The following EYS variants were observed in gnomAD, a reference collection of about 807,000 sequenced individuals.
EYS encodes protein eyes shut homolog.
EYS carries 250 observed loss-of-function variants against 282.1 expected under a neutral mutation model. The ratio of observed to expected loss-of-function variants is 0.89; its 90% CI spans 0.80 to 0.98. The LOEUF is 0.98. Among genes scored for constraint, EYS ranks in the 50% least tolerant of loss-of-function variants. EYS has a pLI of 0.00. For missense variants in EYS, 4,016 were observed against 3,709.0 expected, an observed-to-expected ratio of 1.08 and a Z score of -2.15; for synonymous variants, 1,355 against 1,282.9, an observed-to-expected ratio of 1.06 and a Z score of -1.20.
chr6:65,703,212 A>C (rs186498240), intron 1 of EYS, among the ~76,000 whole-genome samples: 4 of 152,096 alleles, frequency 2.6e-5, no homozygotes, highest in African/African-American at 7.2e-5. Context: ...CTCTCTCTAT[A>C]TATATACTGT....
intron 22 of EYS, among the ~76,000 whole-genome samples, chr6:64,734,826 T>C (rs908563364): frequency 1.4e-4 from 22 of 152,192 alleles, no homozygotes; most frequent in Middle Eastern, 3.2e-3. Flanking sequence ...ATGATTTTTC[T>C]TAATTTTAAT....
chr6:65,148,951 T>G (rs1764547519), intron 12 of EYS, among the ~76,000 whole-genome samples: 1 of 152,012 alleles, frequency 6.6e-6, no homozygotes, highest in Non-Finnish European at 1.5e-5. Flanking sequence ...GCTGCTGGGA[T>G]GCAAGGAACC....
chr6:65,307,681 T>C (rs999431710), intron 11 of EYS, among the ~76,000 whole-genome samples: 4 of 139,580 alleles, frequency 2.9e-5, no homozygotes, highest in African/African-American at 9.8e-5. Flanking sequence ...TGGAATATCT[T>C]AATGCATTGT....
intron 35 of EYS, among the ~76,000 whole-genome samples, chr6:63,887,554 G>T (rs1773295643): frequency 6.6e-6 from 1 of 152,132 alleles, no homozygotes; most frequent in South Asian, 2.1e-4. Context: ...AGCACAAGGG[G>T]TCGGGGAACT....
At chr6:65,148,388 G>A (rs896235830) in intron 12 of EYS, among the ~76,000 whole-genome samples, 69 of 152,226 alleles carry the variant, frequency 4.5e-4, no homozygotes, top group African/African-American at 1.7e-3. Flanking sequence ...CAATAGAACA[G>A]ACATTAAACC....
chr6:65,511,661 C>T (rs1766872405), intron 2 of EYS, among the ~76,000 whole-genome samples: 1 of 151,840 alleles, frequency 6.6e-6, no homozygotes. Context: ...CAAAAAGATC[C>T]AATAACTCAG....
At chr6:65,364,245 AT>A (rs1764824029) in intron 8 of EYS, among the ~76,000 whole-genome samples, 1 of 79,078 alleles carries the variant, frequency 1.3e-5, no homozygotes, top group African/African-American at 4.9e-5. Flanking sequence ...AATCAACTAA[AT>A]GTTTTTTTTT....
intron 40 of EYS, among the ~76,000 whole-genome samples, chr6:63,767,922 A>G (rs1423960317): frequency 6.6e-6 from 1 of 152,096 alleles, no homozygotes; most frequent in Non-Finnish European, 1.5e-5. Context: ...ATAAAGTCAT[A>G]CACCTAAAAG....
intron 2 of EYS, among the ~76,000 whole-genome samples, chr6:65,548,479 C>T (rs1319197688): frequency 6.6e-6 from 1 of 152,082 alleles, no homozygotes; most frequent in Non-Finnish European, 1.5e-5. Flanking sequence ...CACAGTAGTA[C>T]CTCTTGAAAA....
At chr6:65,630,544 A>G (rs1041320756) in intron 2 of EYS, among the ~76,000 whole-genome samples, 7 of 152,230 alleles carry the variant, frequency 4.6e-5, no homozygotes, top group Non-Finnish European at 1.5e-5. Flanking sequence ...CTCAACAGCA[A>G]TATTTTAGCA....
intron 30 of EYS, among the ~76,000 whole-genome samples, chr6:64,305,562 GA>G (rs1222045451): frequency 1.3e-5 from 2 of 152,088 alleles, no homozygotes; most frequent in African/African-American, 4.8e-5. Flanking sequence ...AGTAGAATGA[GA>G]AGCCCAGAAA....
rs9345661 is a variant in EYS at position 65,633,107 on chromosome 6, C to T, written c.-333+6671G>A. 3.4e-3 allele frequency among the ~76,000 whole-genome samples: 519 copies of T among 152,276 alleles called. 17 individuals carry two copies. The East Asian group carries it at 0.072, about 21-fold the overall frequency. ...TAAAGTATTTTTCTTGCTACCACAA[C>T]GTAATCATTGCATTGTTAGGGTTGT... On this transcript the variant is annotated intron_variant, in intron 2 of 42. Coordinates refer to ENST00000503581, the MANE Select transcript of EYS (RefSeq NM_001142800.2).
intron 42 of EYS, among the ~76,000 whole-genome samples, chr6:63,722,267 C>G (rs995486907): frequency 7.9e-5 from 12 of 152,044 alleles, no homozygotes; most frequent in African/African-American, 2.7e-4. Flanking sequence ...GGATTTCATT[C>G]GCCTGTTTTC....
Position 65,461,088 on chromosome 6 carries a change from GTGAT to G in EYS, c.862+29502_862+29505del, listed in dbSNP as rs908475287. On this transcript the variant is annotated intron_variant, in intron 5 of 42. Coordinates refer to ENST00000503581, the MANE Select transcript of EYS (RefSeq NM_001142800.2). ...TCAGAAATTGTATTACTCAATTGAT[GTGAT>G]TGATTGGATCAAATGCCATATATAG... Among the ~76,000 whole-genome samples, 17 of 152,190 alleles carry G rather than the reference GTGAT, an allele frequency of 1.1e-4. No homozygotes were observed. The South Asian group carries it at 1.2e-3, about 11-fold the overall frequency.
chr6:65,253,920 A>G (rs776164079), intron 12 of EYS, among the ~76,000 whole-genome samples: 4 of 151,898 alleles, frequency 2.6e-5, no homozygotes, highest in Non-Finnish European at 5.9e-5. Context: ...CTACTGTATC[A>G]GACTCAATTC....
chr6:64,705,837 G>A (rs1453677002), intron 22 of EYS, among the ~76,000 whole-genome samples: 1 of 111,318 alleles, frequency 9.0e-6, no homozygotes, highest in Admixed American at 9.4e-5. Context: ...TGGGGTGGGA[G>A]GGAGGGGGGA....
intron 26 of EYS, among the ~76,000 whole-genome samples, chr6:64,581,752 A>C (rs1766076164): frequency 6.6e-6 from 1 of 152,230 alleles, no homozygotes; most frequent in Admixed American, 6.5e-5. Context: ...CTCCACCAAA[A>C]GTCAAGTCCT....
intron 26 of EYS, among the ~76,000 whole-genome samples, chr6:64,499,305 T>C (rs1047403049): frequency 6.6e-6 from 1 of 152,208 alleles, no homozygotes; most frequent in Non-Finnish European, 1.5e-5. Context: ...GACTGTGTCA[T>C]GTTATTTTAT....
At chr6:65,443,437 C>T (rs1768503480) in intron 5 of EYS, among the ~76,000 whole-genome samples, 1 of 150,440 alleles carries the variant, frequency 6.6e-6, no homozygotes, top group African/African-American at 2.4e-5. Flanking sequence ...TATATGTACA[C>T]ATATAGCCAT....
Sources: allele counts gnomAD v4.1 joint callset (sites outside exome capture counted in the v4.1 genomes callset), GRCh38; gene constraint gnomAD v4.1.1; transcripts MANE v1.5; gene names NCBI Gene and HGNC (gene_info 2026-07-23, HGNC 2026-07-21).